The following SLC9A9 variants were observed in gnomAD, a reference collection of about 807,000 sequenced individuals.
The protein encoded by SLC9A9 is sodium/hydrogen exchanger 9.
Under a neutral mutation model 77.8 loss-of-function variants are expected in SLC9A9, and 62 were observed. The observed-to-expected ratio is 0.80, with a 90% CI of 0.65 to 0.98. The LOEUF (loss-of-function observed/expected upper bound fraction) is 0.98, where lower values mean the gene tolerates loss of function less well. SLC9A9 is among the 50% of genes least tolerant of loss of function. The probability of loss-of-function intolerance (pLI) is 0.00; values close to 1 mark genes in which losing one functional copy is unlikely to be tolerated. For missense variants in SLC9A9, 775 were observed against 774.9 expected (o/e 1.00, Z 0.00); for synonymous variants, 320 against 283.5 (o/e 1.13, Z -1.29).
At chr3:143,392,148 G>A (rs1195948987) in intron 12 of SLC9A9, among the ~76,000 whole-genome samples, 3 of 152,142 alleles carry the variant, frequency 2.0e-5, no homozygotes, top group Non-Finnish European at 4.4e-5. Flanking sequence ...ACACATAATT[G>A]TCATATTCAC....
rs151003638 is a variant in SLC9A9 at position 143,284,106 on chromosome 3, C to T, written c.1605-15126G>A. Among the ~76,000 whole-genome samples, 63 of 151,612 alleles carry T rather than the reference C, an allele frequency of 4.2e-4. No individual in the cohort carries two copies. The East Asian group carries it at 0.011, about 25-fold the overall frequency. ...AGCCAAACCCGTGGCAGGAGCTGTC[C>T]TGCTTGCCTTGCCACAGAAAAGCAA... On this transcript the variant is annotated intron_variant, in intron 14 of 15. Transcript: ENST00000316549.
chr3:143,674,111 C>T (rs2039200882), intron 5 of SLC9A9, among the ~76,000 whole-genome samples: 1 of 152,086 alleles, frequency 6.6e-6, no homozygotes, highest in South Asian at 2.1e-4. Context: ...CATAATTTTC[C>T]ATACAGCTCT....
chr3:143,495,551 T>C (rs1047634193), intron 9 of SLC9A9, 103 bp from the exon 10 acceptor site: 8 of 866,138 alleles, frequency 9.2e-6, no homozygotes, highest in Non-Finnish European at 1.4e-5. Flanking sequence ...CTCCTTTATC[T>C]GGAAGGCCAC....
chr3:143,364,922 C>T (rs2032858475), intron 13 of SLC9A9, among the ~76,000 whole-genome samples: 1 of 152,196 alleles, frequency 6.6e-6, no homozygotes, highest in Admixed American at 6.5e-5. Flanking sequence ...CTGTGCTAAT[C>T]ATTCAGGAAA....
rs1345247846 is a variant in SLC9A9 at position 143,604,771 on chromosome 3, T to C, written c.756-26048A>G. ...TATAAATAGCTAACCTACCAGAGAA[T>C]AATAAAGCCATTTAATAACAGTTTA... On this transcript the variant is annotated intron_variant, in intron 6 of 15. Transcript: ENST00000316549. 3.9e-5 allele frequency among the ~76,000 whole-genome samples: 6 copies of C among 152,176 alleles called. 1 individual carries two copies. The highest frequency in any genetic ancestry group is 3.9e-4 in the Admixed American group (6 of 15,280).
chr3:143,509,994 C>A (rs2036088935), intron 9 of SLC9A9, among the ~76,000 whole-genome samples: 1 of 152,084 alleles, frequency 6.6e-6, no homozygotes, highest in Non-Finnish European at 1.5e-5. Context: ...TTAACAAGAG[C>A]CATGCTTGTT....
intron 4 of SLC9A9, among the ~76,000 whole-genome samples, chr3:143,705,716 A>G (rs1174668373): frequency 6.6e-6 from 1 of 152,230 alleles, no homozygotes; most frequent in Non-Finnish European, 1.5e-5. Flanking sequence ...AGAAGTAGAG[A>G]AGGCACGCAT....
At chr3:143,635,179 G>C (rs889509071) in intron 6 of SLC9A9, among the ~76,000 whole-genome samples, 3 of 152,174 alleles carry the variant, frequency 2.0e-5, no homozygotes, top group African/African-American at 7.2e-5. Context: ...CCACATGTCT[G>C]GCAAGTCTTG....
chr3:143,431,336 T>C (rs2034509522), intron 12 of SLC9A9, among the ~76,000 whole-genome samples: 1 of 152,200 alleles, frequency 6.6e-6, no homozygotes, highest in South Asian at 2.1e-4. Flanking sequence ...TTTTCCCAGA[T>C]TCCTGCAGTC....
In SLC9A9 at chr3:143,603,278, C is replaced by T. The variant is rs7614358; in HGVS notation, c.756-24555G>A. Among the ~76,000 whole-genome samples the T allele has an allele frequency of 7.6e-3, 1,151 of 152,288 alleles. 14 individuals are homozygous for T. Among genetic ancestry groups the T allele is most frequent in the African/African-American group, 0.027 (1,105 of 41,568 alleles). ...CTAAAGTATGTGAGATCCAAGCATG[C>T]TTCCAGGTTACTGTGGTAGGCAGCC... On this transcript the variant is annotated intron_variant, in intron 6 of 15. Transcript: ENST00000316549.
At chr3:143,432,844 T>C (rs1484854134) in intron 12 of SLC9A9, among the ~76,000 whole-genome samples, 1 of 152,246 alleles carries the variant, frequency 6.6e-6, no homozygotes, top group Non-Finnish European at 1.5e-5. Flanking sequence ...GCTAGGATGG[T>C]CTTGATCTCC....
intron 4 of SLC9A9, among the ~76,000 whole-genome samples, chr3:143,775,937 T>C (rs1002503798): frequency 1.3e-5 from 2 of 152,232 alleles, no homozygotes; most frequent in African/African-American, 4.8e-5. Context: ...CGTTAAAATC[T>C]AGCTTCAACT....
intron 4 of SLC9A9, among the ~76,000 whole-genome samples, chr3:143,783,742 G>C (rs770661358): frequency 6.6e-6 from 1 of 152,146 alleles, no homozygotes; most frequent in Non-Finnish European, 1.5e-5. Context: ...AAAGAGAATA[G>C]AGAAGAGCAA....
intron 5 of SLC9A9, among the ~76,000 whole-genome samples, chr3:143,690,997 G>C (rs1174774436): frequency 6.6e-6 from 1 of 152,104 alleles, no homozygotes; most frequent in Non-Finnish European, 1.5e-5. Flanking sequence ...GATAAAATGG[G>C]CAACTCTAAA....
chr3:143,767,571 A>G (rs1368841287), intron 4 of SLC9A9, among the ~76,000 whole-genome samples: 2 of 152,186 alleles, frequency 1.3e-5, no homozygotes, highest in African/African-American at 4.8e-5. Context: ...CCTATTGAAA[A>G]GAACACCATA....
chr3:143,446,661 G>A (rs922004630), intron 12 of SLC9A9, among the ~76,000 whole-genome samples: 7 of 152,126 alleles, frequency 4.6e-5, no homozygotes, highest in South Asian at 2.1e-4. Context: ...TTACTTCTGT[G>A]GGGTGTGATC....
At chr3:143,823,315 GA>G in intron 2 of SLC9A9, among the ~76,000 whole-genome samples, 1 of 152,290 alleles carries the variant, frequency 6.6e-6, no homozygotes, top group South Asian at 2.1e-4. Context: ...TGCAGTGGGG[GA>G]ATGTCAGGTG....
chr3:143,512,156 A>G (rs1376365343), intron 9 of SLC9A9, among the ~76,000 whole-genome samples: 35 of 152,224 alleles, frequency 2.3e-4, no homozygotes, highest in Admixed American at 2.3e-3. Flanking sequence ...CTGCTGAATG[A>G]ATAAAATTAA....
At chr3:143,542,403 T>G (rs976566217) in intron 9 of SLC9A9, among the ~76,000 whole-genome samples, 33 of 152,332 alleles carry the variant, frequency 2.2e-4, no homozygotes, top group African/African-American at 7.9e-4. Context: ...TCTTTGATCT[T>G]CTCGGAAGCC....
Sources: allele counts gnomAD v4.1 joint callset (sites outside exome capture counted in the v4.1 genomes callset), GRCh38; gene constraint gnomAD v4.1.1; transcripts MANE v1.5; gene names NCBI Gene and HGNC (gene_info 2026-07-23, HGNC 2026-07-21).